The following DPYD variants were observed in gnomAD, a reference collection of about 807,000 sequenced individuals.
DPYD encodes dihydropyrimidine dehydrogenase [NADP(+)].
DPYD carries 109 observed loss-of-function variants against 116.2 expected under a neutral mutation model. The ratio of observed to expected loss-of-function variants is 0.94; its 90% CI spans 0.80 to 1.10. DPYD has a LOEUF of 1.10. Among genes scored for constraint, DPYD ranks in the 50% least tolerant of loss-of-function variants. The pLI, the probability that DPYD is intolerant of heterozygous loss-of-function variation, is 0.00. For missense variants in DPYD, 1,302 were observed against 1,254.5 expected, an observed-to-expected ratio of 1.04 and a Z score of -0.57; for synonymous variants, 440 against 432.0, an observed-to-expected ratio of 1.02 and a Z score of -0.23.
chr1:97,744,422 TG>T lies in DPYD; in HGVS notation c.234-3944del, dbSNP rs1381971346. On this transcript the variant is annotated intron_variant, in intron 3 of 22. Coordinates refer to ENST00000370192, the MANE Select transcript of DPYD (RefSeq NM_000110.4). ...TTTCTAGTCAATGAGTTTAAATGGC[TG>T]AATTAATTTCTTTCTCAGATAAAAA... Among the ~76,000 whole-genome samples, 3 of 152,056 alleles carry T rather than the reference TG, an allele frequency of 2.0e-5. No homozygotes were observed. In the East Asian group the frequency reaches 5.8e-4, roughly 29 times the overall value.
chr1:97,172,134 T>G (rs1656765698), intron 20 of DPYD, among the ~76,000 whole-genome samples: 1 of 152,182 alleles, frequency 6.6e-6, no homozygotes, highest in Non-Finnish European at 1.5e-5. Context: ...TGAACCGCCC[T>G]CATTGTCACA....
chr1:97,646,319 AT>A (rs147049417), intron 8 of DPYD, among the ~76,000 whole-genome samples: 30 of 142,150 alleles, frequency 2.1e-4, no homozygotes, highest in African/African-American at 4.4e-4. Context: ...TCTTCTTTTT[AT>A]TTTTTTTTTC....
chr1:97,894,550 G>A (rs1672954782), intron 1 of DPYD, among the ~76,000 whole-genome samples: 1 of 151,380 alleles, frequency 6.6e-6, no homozygotes, highest in South Asian at 2.1e-4. Flanking sequence ...ATAACCAAAG[G>A]AGATATTTTA....
intron 3 of DPYD, among the ~76,000 whole-genome samples, chr1:97,768,165 A>G (rs1665963275): frequency 6.6e-6 from 1 of 152,234 alleles, no homozygotes; most frequent in African/African-American, 2.4e-5. Flanking sequence ...ATTATGAAAT[A>G]TCTTGAGCAA....
chr1:97,448,564 T>C (rs1437466817), intron 14 of DPYD, among the ~76,000 whole-genome samples: 5 of 152,094 alleles, frequency 3.3e-5, no homozygotes, highest in Non-Finnish European at 7.4e-5. Context: ...TGGCAGAGTA[T>C]TTAATACTGT....
At chr1:97,260,999 C>T (rs1051917831) in intron 18 of DPYD, among the ~76,000 whole-genome samples, 1 of 152,084 alleles carries the variant, frequency 6.6e-6, no homozygotes, top group Non-Finnish European at 1.5e-5. Flanking sequence ...CAAGTGAGAA[C>T]ACATATTTTG....
intron 19 of DPYD, among the ~76,000 whole-genome samples, chr1:97,208,569 C>T (rs1372917756): frequency 1.3e-5 from 2 of 152,046 alleles, no homozygotes; most frequent in Non-Finnish European, 2.9e-5. Context: ...ATAGGTGTGA[C>T]ACACTGCACT....
chr1:97,090,637 A>T lies in DPYD; in HGVS notation c.2766+7852T>A, dbSNP rs1649836467. 1.3e-5 allele frequency among the ~76,000 whole-genome samples: 2 copies of T among 152,202 alleles called. 1 individual carries two copies. The highest frequency in any genetic ancestry group is 4.1e-4 in the South Asian group (2 of 4,826). Reference sequence around the variant, plus strand: ...TTTCACTCCTCTGTTTTCCCAGAGCATTTTGTACATATTTGATTGAACTGT... The same window carrying T: ...TTTCACTCCTCTGTTTTCCCAGAGCTTTTTGTACATATTTGATTGAACTGT... On this transcript the variant is annotated intron_variant, in intron 21 of 22. Coordinates refer to ENST00000370192, the MANE Select transcript of DPYD (RefSeq NM_000110.4).
chr1:97,830,153 G>A (rs1322591600), intron 2 of DPYD, among the ~76,000 whole-genome samples: 1 of 152,106 alleles, frequency 6.6e-6, no homozygotes, highest in Non-Finnish European at 1.5e-5. Flanking sequence ...TATCATTGAT[G>A]GACATTTGGG....
chr1:97,346,626 A>T (rs1669859364), intron 16 of DPYD, among the ~76,000 whole-genome samples: 1 of 151,898 alleles, frequency 6.6e-6, no homozygotes, highest in Non-Finnish European at 1.5e-5. Flanking sequence ...TGCCTATCAC[A>T]TAAAGGTCTA....
rs193269851 is a variant in DPYD at position 97,491,627 on chromosome 1, T to C, written c.1740+24099A>G. Reference sequence around the variant, plus strand: ...TCCTTATTTAACAGCTGAATGATGCTGAATAGTACACTTAATTCTCTGGGC... The same window carrying C: ...TCCTTATTTAACAGCTGAATGATGCCGAATAGTACACTTAATTCTCTGGGC... On this transcript the variant is annotated intron_variant, in intron 13 of 22. Coordinates refer to ENST00000370192, the MANE Select transcript of DPYD (RefSeq NM_000110.4). Among the ~76,000 whole-genome samples the C allele has an allele frequency of 1.2e-4, 18 of 152,210 alleles. No homozygotes were observed. In the East Asian group the frequency reaches 2.9e-3, roughly 25 times the overall value.
intron 2 of DPYD, among the ~76,000 whole-genome samples, chr1:97,844,005 A>C (rs1670167904): frequency 6.6e-6 from 1 of 152,208 alleles, no homozygotes; most frequent in Non-Finnish European, 1.5e-5. Context: ...AAAGGAGAAT[A>C]AAGTGATAGG....
In DPYD at chr1:97,082,349, C is replaced by A; in HGVS notation, c.2888G>T (p.Cys963Phe). ...CINCGKCYMTCNDSGYQAIQF... is the reference protein window; with the variant it reads ...CINCGKCYMTFNDSGYQAIQF... ...TCTTACCTGGTAGCCAGAATCATTACAGGTCATGTAGCATTTACCACAGTT... is the reference window on the plus strand; with the variant it reads ...TCTTACCTGGTAGCCAGAATCATTAAAGGTCATGTAGCATTTACCACAGTT... Residue 963 changes from cysteine to phenylalanine, a missense_variant, in exon 22 of 23, where the codon TGT becomes TTT. Cys to Phe is a radical substitution (Grantham distance 205). Transcript: ENST00000370192. The A allele has an allele frequency of 6.2e-7, 1 of 1,613,520 alleles. No homozygotes were observed. Among genetic ancestry groups the A allele is most frequent in the Middle Eastern group, 1.7e-4 (1 of 6,054 alleles).
intron 12 of DPYD, among the ~76,000 whole-genome samples, chr1:97,545,364 T>A (rs1308371190): frequency 6.6e-6 from 1 of 152,182 alleles, no homozygotes; most frequent in African/African-American, 2.4e-5. Flanking sequence ...GAAGAAGCCA[T>A]CAGCATTGTA....
At chr1:97,786,965 T>G (rs918918903) in intron 3 of DPYD, among the ~76,000 whole-genome samples, 5 of 152,196 alleles carry the variant, frequency 3.3e-5, no homozygotes, top group African/African-American at 1.2e-4. Flanking sequence ...AGTTAGCCAT[T>G]GCTTCATATT....
At chr1:97,106,231 T>C (rs1343558686) in intron 20 of DPYD, among the ~76,000 whole-genome samples, 1 of 152,120 alleles carries the variant, frequency 6.6e-6, no homozygotes, top group Non-Finnish European at 1.5e-5. Flanking sequence ...AAAGCTGTTA[T>C]AGTAGAAAAT....
intron 19 of DPYD, among the ~76,000 whole-genome samples, chr1:97,203,175 T>C (rs1227710629): frequency 6.6e-6 from 1 of 152,090 alleles, no homozygotes. Flanking sequence ...AATTTTCAAT[T>C]ACTCTGCAGT....
rs941501988 is a variant in DPYD, at chr1:97,704,630, G to C, written c.484-5083C>G. Among the ~76,000 whole-genome samples the C allele has an allele frequency of 5.9e-5, 9 of 151,978 alleles. 1 individual carries two copies. Among genetic ancestry groups the C allele is most frequent in the African/African-American group, 2.2e-4 (9 of 41,488 alleles). ...AAATTATACATAAAAGATATTATTAGGTCCAGTTACTTACAGTATCAAATT... is the reference window on the plus strand; with the variant it reads ...AAATTATACATAAAAGATATTATTACGTCCAGTTACTTACAGTATCAAATT... On this transcript the variant is annotated intron_variant, in intron 5 of 22. Transcript: ENST00000370192.
intron 2 of DPYD, among the ~76,000 whole-genome samples, chr1:97,834,667 A>C (rs1410189047): frequency 1.3e-5 from 2 of 152,032 alleles, no homozygotes; most frequent in Non-Finnish European, 2.9e-5. Context: ...GGTTACTACA[A>C]AGCTTTTCTT....
Sources: allele counts gnomAD v4.1 joint callset (sites outside exome capture counted in the v4.1 genomes callset), GRCh38; gene constraint gnomAD v4.1.1; transcripts MANE v1.5; gene names NCBI Gene and HGNC (gene_info 2026-07-23, HGNC 2026-07-21).